Variants in MYO3A observed in about 807,000 individuals in gnomAD.
MYO3A encodes the protein myosin IIIA, also known as myosin-IIIa.
In MYO3A, 180 loss-of-function variants were observed where a neutral mutation model predicts 192.7. That is an observed-to-expected ratio of 0.93 (90% CI 0.83 to 1.06). The LOEUF is 1.06. Ranked by LOEUF, MYO3A falls within the 50% of genes least tolerant of loss-of-function variation. The pLI, the probability that MYO3A is intolerant of heterozygous loss-of-function variation, is 0.00. For missense variants in MYO3A, 1,896 were observed against 1,905.0 expected (o/e 1.00, Z 0.09); for synonymous variants, 628 against 645.3 (o/e 0.97, Z 0.41).
intron 1 of MYO3A, among the ~76,000 whole-genome samples, chr10:25,934,690 G>A (rs533166400): frequency 6.6e-6 from 1 of 151,886 alleles, no homozygotes; most frequent in African/African-American, 2.4e-5. Flanking sequence ...GAGGGAACGG[G>A]AAGGGTGAAC....
At chr10:26,084,002 A>G (rs1473331490) in intron 14 of MYO3A, among the ~76,000 whole-genome samples, 1 of 152,254 alleles carries the variant, frequency 6.6e-6, no homozygotes, top group African/African-American at 2.4e-5. Flanking sequence ...ATTTCTAGAT[A>G]GTTCGTAAGA....
chr10:26,117,748 G>A (rs1355103378), intron 17 of MYO3A, among the ~76,000 whole-genome samples: 2 of 152,084 alleles, frequency 1.3e-5, no homozygotes, highest in Non-Finnish European at 2.9e-5. Flanking sequence ...ATCATTGATG[G>A]GCATTTAGGT....
At chr10:25,943,107 G>T (rs1003045648) in intron 2 of MYO3A, among the ~76,000 whole-genome samples, 1 of 151,684 alleles carries the variant, frequency 6.6e-6, no homozygotes, top group African/African-American at 2.4e-5. Flanking sequence ...GATCTATTTT[G>T]AGTTAATTTT....
intron 4 of MYO3A, 50 bp from the exon 5 acceptor site, chr10:25,996,440 C>A: frequency 6.7e-7 from 1 of 1,492,828 alleles, no homozygotes; most frequent in South Asian, 1.1e-5. Flanking sequence ...CTAGAAAGAA[C>A]ATAAAATGTC....
At chr10:26,001,084 G>T (rs141710458) in intron 6 of MYO3A, among the ~76,000 whole-genome samples, 162 of 152,226 alleles carry the variant, frequency 1.1e-3, no homozygotes, top group African/African-American at 3.6e-3. Flanking sequence ...CCTCCCACCA[G>T]GTCCCTCCCC....
At chr10:26,202,624 A>G in intron 33 of MYO3A, 1 of 290,948 alleles carries the variant, frequency 3.4e-6, no homozygotes, top group African/African-American at 2.2e-5. Flanking sequence ...ATAATGGCCT[A>G]AAGGTCAGTA....
intron 1 of MYO3A, among the ~76,000 whole-genome samples, 184 bp from the exon 2 acceptor site, chr10:25,935,560 T>G (rs1046780545): frequency 2.0e-4 from 30 of 152,358 alleles, no homozygotes; most frequent in African/African-American, 7.2e-4. Flanking sequence ...AATGCCAGCA[T>G]ATGAAATGAG....
intron 4 of MYO3A, among the ~76,000 whole-genome samples, chr10:25,977,969 T>A (rs1178800146): frequency 6.6e-6 from 1 of 152,178 alleles, no homozygotes; most frequent in African/African-American, 2.4e-5. Flanking sequence ...TTATATAGTT[T>A]TTTTGTTATT....
chr10:26,026,567 G>A, intron 10 of MYO3A, 35 bp downstream of exon 10: 1 of 1,609,968 alleles, frequency 6.2e-7, no homozygotes, highest in Non-Finnish European at 8.5e-7. Flanking sequence ...AAAATCCAGA[G>A]ATTATTGAAA....
At chr10:26,090,425 A>C (rs1160104612) in intron 15 of MYO3A, among the ~76,000 whole-genome samples, 1 of 152,244 alleles carries the variant, frequency 6.6e-6, no homozygotes, top group Admixed American at 6.5e-5. Flanking sequence ...GCTGTGAATT[A>C]AGTAGTTTTT....
chr10:26,029,906 A>G (rs1365663497), intron 10 of MYO3A, among the ~76,000 whole-genome samples: 1 of 150,300 alleles, frequency 6.7e-6, no homozygotes, highest in Non-Finnish European at 1.5e-5. Context: ...TCTGCATTCT[A>G]TTTGGAGGGT....
At chr10:26,013,932 C>T (rs1020490632) in intron 6 of MYO3A, among the ~76,000 whole-genome samples, 5 of 152,108 alleles carry the variant, frequency 3.3e-5, no homozygotes, top group African/African-American at 1.2e-4. Flanking sequence ...CCATGGAATA[C>T]TACTCAGCCA....
At chr10:26,017,008 A>G (rs1842022099) in intron 7 of MYO3A, 112 bp downstream of exon 7, 6 of 1,160,232 alleles carry the variant, frequency 5.2e-6, no homozygotes, top group Non-Finnish European at 5.1e-6. Flanking sequence ...AGAAACTCTC[A>G]GTTGTGTTAT....
At chr10:26,128,352 A>G (rs1291939734) in intron 19 of MYO3A, 39 bp from the exon 20 acceptor site, 2 of 1,597,626 alleles carry the variant, frequency 1.3e-6, no homozygotes, top group Admixed American at 1.7e-5. Context: ...TTACCTCTTC[A>G]GGAAATAACT....
At chr10:25,989,929 C>G (rs78593877) in intron 4 of MYO3A, among the ~76,000 whole-genome samples, 14,459 of 152,086 alleles carry the variant, frequency 0.095, 1,220 homozygotes, top group African/African-American at 0.22. Flanking sequence ...AGGCTGATGG[C>G]AAAGGCTGAA....
At chr10:26,168,046 C>G (rs1841849568) in intron 27 of MYO3A, among the ~76,000 whole-genome samples, 1 of 152,198 alleles carries the variant, frequency 6.6e-6, no homozygotes, top group African/African-American at 2.4e-5. Flanking sequence ...CTCCCTTGCT[C>G]CAATTGATGT....
At position 26,021,546 on chromosome 10, in the gene MYO3A, G is replaced by A; in HGVS notation, c.629G>A (p.Arg210Lys). ...EQQLDTTYDA[R>K]CDTWSLGITA... ...CAATTGGATACCACTTATGACGCCA[G>A]ATGTGACACTTGGTCCCTGGGTATC... Residue 210 changes from arginine (R) to lysine (K), a missense_variant, in exon 8 of 35, where the codon AGA (arginine) becomes AAA (lysine). Coordinates refer to ENST00000642920, the MANE Select transcript of MYO3A (RefSeq NM_017433.5). The A allele has an allele frequency of 6.2e-7, 1 of 1,614,166 alleles. No homozygotes were observed. Among genetic ancestry groups the A allele is most frequent in the Non-Finnish European group, 8.5e-7 (1 of 1,179,984 alleles).
rs561957055 is a variant in MYO3A at position 26,205,874 on chromosome 10, C to G, written c.4730+2767C>G. On this transcript the variant is annotated intron_variant, in intron 34 of 34. Transcript: ENST00000642920. ...GACCTTGTGATTTGCCCTCCTCGGC[C>G]TCCCAAAATGCTGGGATTACAGGCG... Among the ~76,000 whole-genome samples the G allele has an allele frequency of 1.3e-3, 202 of 152,122 alleles. 2 individuals are homozygous for G. The highest frequency in any genetic ancestry group is 2.3e-3 in the Non-Finnish European group (154 of 67,994).
intron 27 of MYO3A, among the ~76,000 whole-genome samples, chr10:26,168,323 A>G (rs999325623): frequency 3.3e-5 from 5 of 151,272 alleles, no homozygotes; most frequent in South Asian, 2.1e-4. Context: ...CTTTATAATA[A>G]GATCTATTCA....
Sources: allele counts gnomAD v4.1 joint callset (sites outside exome capture counted in the v4.1 genomes callset), GRCh38; gene constraint gnomAD v4.1.1; transcripts MANE v1.5; gene names NCBI Gene and HGNC (gene_info 2026-07-23, HGNC 2026-07-21).